Variants in TANC2 observed in about 807,000 individuals in gnomAD.
TANC2 encodes the protein tetratricopeptide repeat, ankyrin repeat and coiled-coil containing 2.
Under a neutral mutation model 210.5 loss-of-function variants are expected in TANC2, and 26 were observed. That is an observed-to-expected ratio of 0.12 (90% CI 0.09 to 0.17). TANC2 has a LOEUF of 0.17. Ranked by LOEUF, TANC2 falls within the 10% of genes least tolerant of loss-of-function variation. The probability of loss-of-function intolerance (pLI) is 1.00; values close to 1 mark genes in which losing one functional copy is unlikely to be tolerated. For synonymous variants in TANC2, 931 were observed against 967.1 expected, an observed-to-expected ratio of 0.96 and a Z score of 0.69; for missense variants, 2,129 against 2,608.9, an observed-to-expected ratio of 0.82 and a Z score of 4.01.
Position 63,412,173 on chromosome 17 carries a change from C to A in TANC2, c.3898+43C>A, listed in dbSNP as rs2048724507. ...GATGTTGGCCATCTGTGCCCAGGGG[C>A]CAGACTGGTCCAGTGGTCTGGCTGC... is the stretch of plus-strand genomic sequence containing the variant. On this transcript the variant is annotated intron_variant, in intron 23 of 27. Transcript: ENST00000689528. This position sits in a 1 kb window ranked among gnomAD's most constrained non-coding sequence, Gnocchi z 4.2. 1 of 1,613,006 alleles carries A rather than the reference C, an allele frequency of 6.2e-7. No homozygotes were observed. The highest frequency in any genetic ancestry group is 8.5e-7 in the Non-Finnish European group (1 of 1,179,396).
chr17:63,398,455 CAAA>C (rs75216626), intron 18 of TANC2, among the ~76,000 whole-genome samples: 4 of 107,442 alleles, frequency 3.7e-5, no homozygotes, highest in Admixed American at 2.0e-4. Flanking sequence ...GACCCTGTCT[CAAA>C]AAAAAAAAAA....
At chr17:63,244,157 A>T (rs1182073720) in intron 8 of TANC2, among the ~76,000 whole-genome samples, 1 of 152,202 alleles carries the variant, frequency 6.6e-6, no homozygotes, top group East Asian at 1.9e-4. Flanking sequence ...TGCTCAAAAC[A>T]CTTTCATAGT....
intron 9 of TANC2, among the ~76,000 whole-genome samples, chr17:63,302,477 A>G (rs1189900099): frequency 6.6e-6 from 1 of 151,704 alleles, no homozygotes; most frequent in African/African-American, 2.4e-5. Flanking sequence ...GGGTGCACAT[A>G]TATTTAGGAT....
intron 2 of TANC2, among the ~76,000 whole-genome samples, chr17:63,048,604 G>C (rs1386626600): frequency 2.0e-5 from 3 of 152,212 alleles, no homozygotes; most frequent in Non-Finnish European, 4.4e-5. Flanking sequence ...TTGAAGATCA[G>C]ATGGTTGTAT....
intron 5 of TANC2, among the ~76,000 whole-genome samples, chr17:63,161,702 T>C (rs2040031665): frequency 6.6e-6 from 1 of 152,196 alleles, no homozygotes; most frequent in African/African-American, 2.4e-5. Context: ...ACTTTGTTGG[T>C]ATTCTCATTC....
At chr17:63,111,034 C>T (rs572613620) in intron 4 of TANC2, among the ~76,000 whole-genome samples, 4 of 152,072 alleles carry the variant, frequency 2.6e-5, no homozygotes, top group Non-Finnish European at 5.9e-5. Context: ...ATATCATGGC[C>T]GGGAATGGTG....
intron 14 of TANC2, among the ~76,000 whole-genome samples, chr17:63,364,915 A>G (rs1407729833): frequency 6.6e-6 from 1 of 152,210 alleles, no homozygotes; most frequent in Non-Finnish European, 1.5e-5. Flanking sequence ...TTTAAGGTGG[A>G]TATGTTCGGT....
At chr17:63,211,226 T>C (rs1268687809) in intron 7 of TANC2, among the ~76,000 whole-genome samples, 1 of 152,166 alleles carries the variant, frequency 6.6e-6, no homozygotes, top group Non-Finnish European at 1.5e-5. Context: ...GAAAACAAAG[T>C]CTGACCATAT....
At position 63,358,377 on chromosome 17, in the gene TANC2, GT is replaced by G. The variant is rs1409137506; in HGVS notation, c.2582+2988del. 8.7e-3 allele frequency among the ~76,000 whole-genome samples: 876 copies of G among 101,118 alleles called. 9 individuals carry two copies. Among genetic ancestry groups the G allele is most frequent in the African/African-American group, 0.029 (787 of 27,562 alleles). The allele number at this position is 101,118 out of a possible 152,430, so 66.3% of individuals were successfully genotyped here. The stretch of plus-strand genomic sequence containing the variant: ...TGAGAGAGAGAGAGAGAGAGAGAGA[GT>G]ATGTGTGTGTGTGTGTGTGTGTGTG... On this transcript the variant is annotated intron_variant, in intron 14 of 27. Transcript: ENST00000689528.
chr17:63,082,654 C>G (rs1307218312), intron 3 of TANC2, among the ~76,000 whole-genome samples: 1 of 152,086 alleles, frequency 6.6e-6, no homozygotes, highest in African/African-American at 2.4e-5. Flanking sequence ...CCTACCTGTC[C>G]CCCGGCACAT....
chr17:63,294,056 T>C (rs965570886), intron 9 of TANC2, among the ~76,000 whole-genome samples: 2 of 152,210 alleles, frequency 1.3e-5, no homozygotes, highest in Non-Finnish European at 2.9e-5. Flanking sequence ...AGCCTAGATA[T>C]ATAATTACAA....
At chr17:63,328,865 A>G (rs536642634) in intron 11 of TANC2, among the ~76,000 whole-genome samples, 1 of 152,302 alleles carries the variant, frequency 6.6e-6, no homozygotes, top group East Asian at 1.9e-4. Flanking sequence ...CACATTATAT[A>G]CATATATCAA....
chr17:63,381,537 G>C (rs1348849807), intron 15 of TANC2: 1 of 152,200 alleles, frequency 6.6e-6, no homozygotes, highest in Non-Finnish European at 1.5e-5. Context: ...GTTAGAAATA[G>C]TTCCACTTGA....
chr17:63,171,015 G>T (rs185600360), intron 5 of TANC2, among the ~76,000 whole-genome samples: 105 of 151,876 alleles, frequency 6.9e-4, no homozygotes, highest in African/African-American at 2.5e-3. Flanking sequence ...TGGGAGTGGG[G>T]TGGGATAGAG....
chr17:63,129,005 A>G (rs2038816991), intron 4 of TANC2, among the ~76,000 whole-genome samples: 1 of 152,064 alleles, frequency 6.6e-6, no homozygotes, highest in Admixed American at 6.6e-5. Flanking sequence ...TTAAGTAGCC[A>G]GACTTTGTGG....
At chr17:63,409,572 T>C (rs1266822463) in intron 21 of TANC2, among the ~76,000 whole-genome samples, 1 of 152,216 alleles carries the variant, frequency 6.6e-6, no homozygotes. Context: ...GAGAAATGCA[T>C]TCCAAGAATT....
chr17:63,096,105 A>G (rs1365065914), intron 3 of TANC2, among the ~76,000 whole-genome samples: 4 of 152,126 alleles, frequency 2.6e-5, no homozygotes, highest in Admixed American at 2.0e-4. Context: ...CTCTTTGTTT[A>G]TGTAACTGTA....
intron 7 of TANC2, among the ~76,000 whole-genome samples, chr17:63,226,412 T>G (rs530494793): frequency 1.3e-5 from 2 of 152,308 alleles, no homozygotes; most frequent in East Asian, 3.9e-4. Context: ...ATCTGGACTC[T>G]GTCTCCTCTC....
At chr17:63,147,913 A>T (rs532917713) in intron 4 of TANC2, among the ~76,000 whole-genome samples, 10 of 152,336 alleles carry the variant, frequency 6.6e-5, no homozygotes, top group Admixed American at 3.9e-4. Context: ...CACGGTTCAG[A>T]CTTCCAAATC....
Sources: allele counts gnomAD v4.1 joint callset (sites outside exome capture counted in the v4.1 genomes callset), GRCh38; gene constraint gnomAD v4.1.1; non-coding constraint Gnocchi (gnomAD v3.1); transcripts MANE v1.5; gene names NCBI Gene and HGNC (gene_info 2026-07-23, HGNC 2026-07-21).